Variants in GTPBP2 observed in about 807,000 individuals in gnomAD.
GTPBP2 encodes the protein GTP-binding protein 2.
GTPBP2 carries 32 observed loss-of-function variants against 63.0 expected under a neutral mutation model. The observed-to-expected ratio is 0.51, with a 90% confidence interval of 0.38 to 0.68. GTPBP2 has a LOEUF of 0.68. GTPBP2 is among the 30% of genes least tolerant of loss of function. GTPBP2 has a pLI of 0.00. For synonymous variants in GTPBP2, 310 were observed against 322.6 expected, an observed-to-expected ratio of 0.96 and a Z score of 0.42; for missense variants, 492 against 796.9, an observed-to-expected ratio of 0.62 and a Z score of 4.61.
At position 43,625,241 on chromosome 6, in the gene GTPBP2, C is replaced by T; in HGVS notation, c.705+122G>A. The T allele has an allele frequency of 9.5e-7, 1 of 1,049,354 alleles. No homozygotes were observed. The highest frequency in any genetic ancestry group is 1.5e-6 in the Non-Finnish European group (1 of 688,548). 65.0% of individuals were successfully genotyped at this position (1,049,354 alleles called of 1,614,324 possible). ...AGGGGCAGAGCTTGTTCACAGTCCC[C>T]TCAGGGCATTCATCTATACTATTTC... On this transcript the variant is annotated intron_variant, in intron 5 of 11. Transcript: ENST00000307126. The surrounding 1 kb of genome is among the most constrained non-coding windows in gnomAD (Gnocchi z 5.1).
chr6:43,624,518 C>T lies in GTPBP2; in HGVS notation c.1092G>A (p.Gln364=). 6.2e-7 allele frequency: 1 copy of T among 1,612,500 alleles called. No individual in the cohort carries two copies. The highest frequency in any genetic ancestry group is 2.2e-5 in the East Asian group (1 of 44,858). The change falls in exon 7 of 12, where the codon CAG becomes CAA. Residue 364 remains glutamine (Q), a synonymous_variant. Coordinates refer to ENST00000307126, the MANE Select transcript of GTPBP2 (RefSeq NM_019096.5). The surrounding 1 kb of genome is among the most constrained non-coding windows in gnomAD (Gnocchi z 5.1). ...GAGTAAGGTGGGCTTACTTGGGTGACTGAGCAAACTGCTGGGCAGCAGTGA... is the reference window on the plus strand; with the variant it reads ...GAGTAAGGTGGGCTTACTTGGGTGATTGAGCAAACTGCTGGGCAGCAGTGA... ...DAVTAAQQFA[Q]SPNVTPIFTL...
rs772843112 is a variant in GTPBP2, at chr6:43,625,778, C to T, written c.485G>A (p.Arg162Gln). The change falls in exon 4 of 12, where the codon CGA (arginine) becomes CAA (glutamine). Residue 162 changes from arginine (R) to glutamine (Q), a missense_variant. Around this residue, in one of 2 missense-constraint regions of GTPBP2, gnomAD observed 400 missense variants for 710.8 expected, o/e 0.56. Coordinates refer to ENST00000307126, the MANE Select transcript of GTPBP2 (RefSeq NM_019096.5). This position sits in a 1 kb window ranked among gnomAD's most constrained non-coding sequence, Gnocchi z 5.1. Reference protein sequence around the residue: ...MPRKITEVLVRKVPDNQQFLD... With the variant: ...MPRKITEVLVQKVPDNQQFLD... ...CACCTGTTGGTTGTCAGGGACCTTTCGTACTAGCACCTCGGTGATCTTCCG... is the reference window on the plus strand; with the variant it reads ...CACCTGTTGGTTGTCAGGGACCTTTTGTACTAGCACCTCGGTGATCTTCCG... The T allele has an allele frequency of 6.2e-7, 1 of 1,613,568 alleles. No individual in the cohort carries two copies. Among genetic ancestry groups the T allele is most frequent in the Non-Finnish European group, 8.5e-7 (1 of 1,179,494 alleles).
chr6:43,624,058 TG>T lies in GTPBP2; in HGVS notation c.1110del (p.Ile371SerfsTer19). 2 of 1,612,878 alleles carry T rather than the reference TG, an allele frequency of 1.2e-6. No individual in the cohort carries two copies. The highest frequency in any genetic ancestry group is 8.5e-7 in the Non-Finnish European group (1 of 1,179,286). Reference protein sequence around the residue: ...QQFAQSPNVTPIFTLSSVSGE... With the variant: ...QQFAQSPNVTXIFTLSSVSGE... ...CCAGACACACTGGACAATGTGAAGATGGGGGTGACACTGTAGAGGGAGGCAT... is the reference window on the plus strand; with the variant it reads ...CCAGACACACTGGACAATGTGAAGATGGGGTGACACTGTAGAGGGAGGCAT... On this transcript the variant is annotated frameshift_variant, in exon 8 of 12. Coordinates refer to ENST00000307126, the MANE Select transcript of GTPBP2 (RefSeq NM_019096.5). LOFTEE classifies it high-confidence loss of function. This position sits in a 1 kb window ranked among gnomAD's most constrained non-coding sequence, Gnocchi z 5.1.
chr6:43,623,145 C>T, intron 9 of GTPBP2: 1 of 228,654 alleles, frequency 4.4e-6, no homozygotes, highest in Admixed American at 5.2e-5. Context: ...AATCCTAGCA[C>T]TTGGGGAGGC....
rs190141733 is a variant in GTPBP2 at position 43,623,148 on chromosome 6, G to A, written c.1296-344C>T. ...GCTCACACCTGTAATCCTAGCACTTGGGGAGGCTGAGGCAGGTGGATCACT... is the reference window on the plus strand; with the variant it reads ...GCTCACACCTGTAATCCTAGCACTTAGGGAGGCTGAGGCAGGTGGATCACT... On this transcript the variant is annotated intron_variant, in intron 9 of 11. Coordinates refer to ENST00000307126, the MANE Select transcript of GTPBP2 (RefSeq NM_019096.5). 1.0e-4 allele frequency: 23 copies of A among 226,172 alleles called. No homozygotes were observed. The Middle Eastern group carries it at 6.3e-3, about 62-fold the overall frequency. 14.0% of individuals were successfully genotyped at this position (226,172 alleles called of 1,614,324 possible). A position where few individuals can be genotyped will look rare whatever the true frequency, so the allele number is the denominator to read the frequency against.
At position 43,629,132 on chromosome 6, in the gene GTPBP2, C is replaced by A; in HGVS notation, c.31G>T (p.Gly11Cys). The A allele has an allele frequency of 4.6e-6, 7 of 1,523,538 alleles. No homozygotes were observed. Among genetic ancestry groups the A allele is most frequent in the Non-Finnish European group, 6.1e-6 (7 of 1,141,210 alleles). The allele number at this position is 1,523,538 out of a possible 1,614,324, so 94.4% of individuals were successfully genotyped here. ...GGGCCCCCTCCGGGCCGGCAGCAGC[C>A]GCCGAACAGCTCCGATACCCGCGAG... MDSRVSELFG[G>C]CCRPGGGPAV... Residue 11 changes from glycine (G) to cysteine (C), a missense_variant, in exon 1 of 12, where the codon GGC (glycine) becomes TGC (cysteine). By Grantham distance (159) the Gly-to-Cys change is radical (BLOSUM62 -3). Transcript: ENST00000307126.
At position 43,622,763 on chromosome 6, in the gene GTPBP2, G is replaced by A. The variant is rs985617769; in HGVS notation, c.1337C>T (p.Thr446Met). ...CAGCTCCAGGAAGCAGCCATCATCC[G>A]TGGGGCCCACCACCAGCTGGTCCCC... ...REGDQLVVGP[T>M]DDGCFLELRV... is the part of the protein sequence containing the mutation. Residue 446 changes from threonine (T) to methionine (M), a missense_variant, in exon 10 of 12, where the codon ACG becomes ATG. Physicochemically the swap from Thr to Met is moderately conservative, Grantham distance 81 (BLOSUM62 -1). Coordinates refer to ENST00000307126, the MANE Select transcript of GTPBP2 (RefSeq NM_019096.5). This position sits in a 1 kb window ranked among gnomAD's most constrained non-coding sequence, Gnocchi z 5.4. 10 of 1,613,894 alleles carry A rather than the reference G, an allele frequency of 6.2e-6. No homozygotes were observed. Among genetic ancestry groups the A allele is most frequent in the Non-Finnish European group, 7.6e-6 (9 of 1,179,944 alleles).
In GTPBP2 at chr6:43,623,610, A is replaced by C. The variant is rs1419959750; in HGVS notation, c.1295+127T>G. On this transcript the variant is annotated intron_variant, in intron 9 of 11. Coordinates refer to ENST00000307126, the MANE Select transcript of GTPBP2 (RefSeq NM_019096.5). The stretch of plus-strand genomic sequence containing the variant: ...CCAGCTCTTCTGATAGTGAAAGCCT[A>C]ATCTGCAAATAAGCATGTCCTTTAA... The C allele has an allele frequency of 1.1e-5, 8 of 740,052 alleles. No homozygotes were observed. The East Asian group carries it at 1.2e-4, about 11-fold the overall frequency. The allele number at this position is 740,052 out of a possible 1,614,324, so 45.8% of individuals were successfully genotyped here. A position where few individuals can be genotyped will look rare whatever the true frequency, so the allele number is the denominator to read the frequency against.
rs771422354 is a variant in GTPBP2, at chr6:43,621,779, C to T, written c.1644G>A (p.Arg548=). The T allele has an allele frequency of 1.2e-6, 2 of 1,614,212 alleles. No individual in the cohort carries two copies. The highest frequency in any genetic ancestry group is 1.1e-5 in the South Asian group (1 of 91,090). Residue 548 remains arginine, a synonymous_variant, in exon 12 of 12, where the codon CGG becomes CGA. Transcript: ENST00000307126. ...AACGTACCACTGCCTTCTCGCCTGT[C>T]CGCAGTTTGTCCTGCAGCAAATAAG... ...VEKIHAKDKL[R]TGEKAVVRFR...
Position 43,624,442 on chromosome 6 carries a change from G to T in GTPBP2, c.1100+68C>A. ...TGGCCCTGGAGAAGTAGGATATCAT[G>T]CTTCTGGGCCCTGGGCTCTGTGGCA... On this transcript the variant is annotated intron_variant, in intron 7 of 11. Coordinates refer to ENST00000307126, the MANE Select transcript of GTPBP2 (RefSeq NM_019096.5). This position sits in a 1 kb window ranked among gnomAD's most constrained non-coding sequence, Gnocchi z 5.1. 1 of 1,157,894 alleles carries T rather than the reference G, an allele frequency of 8.6e-7. No homozygotes were observed. Among genetic ancestry groups the T allele is most frequent in the East Asian group, 2.4e-5 (1 of 42,190 alleles). The allele number at this position is 1,157,894 out of a possible 1,614,324, so 71.7% of individuals were successfully genotyped here. A position where few individuals can be genotyped will look rare whatever the true frequency, so the allele number is the denominator to read the frequency against.
At chr6:43,629,837 G>GA (rs1053610914), upstream of GTPBP2, 50 of 1,515,014 alleles carry the variant, frequency 3.3e-5, no homozygotes, top group African/African-American at 5.4e-4. Flanking sequence ...TTATTGTTGG[G>GA]ATGATTATGC....
rs1386354684 is a variant in GTPBP2 at position 43,624,855 on chromosome 6, C to T, written c.880+33G>A. On this transcript the variant is annotated intron_variant, in intron 6 of 11. Coordinates refer to ENST00000307126, the MANE Select transcript of GTPBP2 (RefSeq NM_019096.5). The surrounding 1 kb of genome is among the most constrained non-coding windows in gnomAD (Gnocchi z 5.1). ...CCAGGGTAGGAGAGTCAGCACCCCCCTTCAGCCCTGTCCCTGCCCTAATGC... is the reference window on the plus strand; with the variant it reads ...CCAGGGTAGGAGAGTCAGCACCCCCTTTCAGCCCTGTCCCTGCCCTAATGC... The T allele has an allele frequency of 6.2e-7, 1 of 1,609,858 alleles. No individual in the cohort carries two copies.
At chr6:43,629,648 C>G (rs1769770045), upstream of GTPBP2, 1 of 1,292,514 alleles carries the variant, frequency 7.7e-7, no homozygotes, top group East Asian at 2.5e-5. Flanking sequence ...GGCCCTTTAG[C>G]GCGGATCCTA....
chr6:43,631,170 G>A (rs951676977), upstream of GTPBP2, among the ~76,000 whole-genome samples: 1 of 152,170 alleles, frequency 6.6e-6, no homozygotes, highest in Admixed American at 6.5e-5. Flanking sequence ...GGGCCTAGCT[G>A]ACCATAGGCC....
rs143185915 is a variant in GTPBP2, at chr6:43,624,928, G to A, written c.840C>T (p.Pro280=). The change falls in exon 6 of 12, where the codon CCC becomes CCT. Residue 280 remains proline, a synonymous_variant. Transcript: ENST00000307126. The surrounding 1 kb of genome is among the most constrained non-coding windows in gnomAD (Gnocchi z 5.1). ...TTIFGLTSYC[P]DCALLLVSAN... ...CACTGACGAGGAGCAGGGCGCAGTC[G>A]GGGCAGTATGATGTGAGGCCAAAGA... The A allele has an allele frequency of 2.1e-5, 34 of 1,614,010 alleles. 1 individual carries two copies. Among genetic ancestry groups the A allele is most frequent in the Middle Eastern group, 1.6e-4 (1 of 6,082 alleles).
chr6:43,629,069 T>TGCC lies in GTPBP2; in HGVS notation c.91_93dup (p.Gly31dup). On this transcript the variant is annotated inframe_insertion, in exon 1 of 12. Coordinates refer to ENST00000307126, the MANE Select transcript of GTPBP2 (RefSeq NM_019096.5). ...TTTGGCCCCCCGCAGCCGCTGCTGC[T>TGCC]GCCGGCCCCCCTAGCCTTGAGGGTT... The TGCC allele has an allele frequency of 6.2e-7, 1 of 1,602,622 alleles. No individual in the cohort carries two copies. Among genetic ancestry groups the TGCC allele is most frequent in the Non-Finnish European group, 8.5e-7 (1 of 1,174,528 alleles).
At position 43,622,213 on chromosome 6, in the gene GTPBP2, C is replaced by T; in HGVS notation, c.1468-46G>A. The T allele has an allele frequency of 6.5e-7, 1 of 1,546,034 alleles. No individual in the cohort carries two copies. Among genetic ancestry groups the T allele is most frequent in the Non-Finnish European group, 8.9e-7 (1 of 1,127,680 alleles). ...GGCCCAGGAAGGGCAGCTCTAACAT[C>T]AGACTCTCCCTCCCCAGCCACCCCA... On this transcript the variant is annotated intron_variant, in intron 10 of 11. Transcript: ENST00000307126. The surrounding 1 kb of genome is among the most constrained non-coding windows in gnomAD (Gnocchi z 5.4).
chr6:43,628,857 C>T (rs1416278854), intron 1 of GTPBP2, 120 bp downstream of exon 1: 1 of 1,102,760 alleles, frequency 9.1e-7, no homozygotes, highest in Non-Finnish European at 1.4e-6. Flanking sequence ...TCCTCCCGTG[C>T]CCCTCCTCCC....
chr6:43,622,281 CTA>C lies in GTPBP2; in HGVS notation c.1468-116_1468-115del. ...GAATTTCCTCTTCCTCTACACAACT[CTA>C]AACACAAAGACCTCAAAAGACAATA... On this transcript the variant is annotated intron_variant, in intron 10 of 11. Coordinates refer to ENST00000307126, the MANE Select transcript of GTPBP2 (RefSeq NM_019096.5). This position sits in a 1 kb window ranked among gnomAD's most constrained non-coding sequence, Gnocchi z 5.4. The C allele has an allele frequency of 1.2e-6, 1 of 862,788 alleles. No individual in the cohort carries two copies. The allele number at this position is 862,788 out of a possible 1,614,324, so 53.4% of individuals were successfully genotyped here.
Sources: allele counts gnomAD v4.1 joint callset (sites outside exome capture counted in the v4.1 genomes callset), GRCh38; gene constraint gnomAD v4.1.1; regional missense constraint gnomAD v4.1.1; non-coding constraint Gnocchi (gnomAD v3.1); transcripts MANE v1.5; gene names NCBI Gene and HGNC (gene_info 2026-07-23, HGNC 2026-07-21).